Variants in ZNF804A observed in about 807,000 individuals in gnomAD.
ZNF804A encodes the protein zinc finger protein 804A.
A neutral mutation model predicts 16.5 loss-of-function variants in ZNF804A; 2 were observed. The observed-to-expected ratio is 0.12, with a 90% CI of 0.05 to 0.38. The LOEUF (loss-of-function observed/expected upper bound fraction) is 0.38. ZNF804A is among the 10% of genes least tolerant of loss of function. ZNF804A has a pLI of 0.99. For missense variants in ZNF804A, 1,473 were observed against 1,390.7 expected, an observed-to-expected ratio of 1.06 and a Z score of -0.94; for synonymous variants, 534 against 489.6, an observed-to-expected ratio of 1.09 and a Z score of -1.20.
At chr2:184,843,507 C>T (rs1695470130) in intron 1 of ZNF804A, among the ~76,000 whole-genome samples, 1 of 152,022 alleles carries the variant, frequency 6.6e-6, no homozygotes, top group Admixed American at 6.6e-5. Flanking sequence ...CTCCTGACCT[C>T]AGGTGATCCA....
At position 184,936,964 on chromosome 2, in the gene ZNF804A, T is replaced by C; in HGVS notation, c.1568T>C (p.Val523Ala). Residue 523 changes from valine to alanine, a missense_variant, in exon 4 of 4, where the codon GTC becomes GCC. Coordinates refer to ENST00000302277, the MANE Select transcript of ZNF804A (RefSeq NM_194250.2). Reference sequence around the variant, plus strand: ...AGTAGCAAAAATAAATGCAGCCAAGTCACTCCTCTTTTGGCTGATGATATT... The same window carrying C: ...AGTAGCAAAAATAAATGCAGCCAAGCCACTCCTCTTTTGGCTGATGATATT... ...IGSSKNKCSQ[V>A]TPLLADDILS... 1 of 1,613,950 alleles carries C rather than the reference T, an allele frequency of 6.2e-7. No individual in the cohort carries two copies. Among genetic ancestry groups the C allele is most frequent in the Non-Finnish European group, 8.5e-7 (1 of 1,179,948 alleles).
intron 1 of ZNF804A, among the ~76,000 whole-genome samples, chr2:184,664,445 C>T (rs1692225208): frequency 2.6e-5 from 4 of 152,022 alleles, no homozygotes; most frequent in Admixed American, 1.3e-4. Context: ...TAACTATAAC[C>T]TTAAATATGA....
At chr2:184,734,796 C>A (rs908881164) in intron 1 of ZNF804A, among the ~76,000 whole-genome samples, 16 of 152,120 alleles carry the variant, frequency 1.1e-4, no homozygotes, top group Admixed American at 1.3e-4. Flanking sequence ...GATTCACCTG[C>A]TTTTCCTTGC....
intron 1 of ZNF804A, among the ~76,000 whole-genome samples, chr2:184,673,814 C>A (rs1050870914): frequency 2.6e-5 from 4 of 152,098 alleles, no homozygotes; most frequent in Non-Finnish European, 5.9e-5. Context: ...TTAGGTAAAA[C>A]TGGATTTCTG....
intron 1 of ZNF804A, among the ~76,000 whole-genome samples, chr2:184,638,794 C>A (rs1222522212): frequency 6.6e-6 from 1 of 152,096 alleles, no homozygotes; most frequent in East Asian, 1.9e-4. Flanking sequence ...TTTTTATCTT[C>A]ATCACATAAT....
intron 1 of ZNF804A, among the ~76,000 whole-genome samples, chr2:184,600,738 A>G (rs978552031): frequency 6.6e-6 from 1 of 152,184 alleles, no homozygotes; most frequent in Non-Finnish European, 1.5e-5. Context: ...ACTTGTTAAA[A>G]TTCTATAGGT....
chr2:184,925,613 C>T (rs571446395), intron 2 of ZNF804A, among the ~76,000 whole-genome samples: 9 of 151,956 alleles, frequency 5.9e-5, no homozygotes, highest in Admixed American at 6.6e-5. Flanking sequence ...GTAGTCTTCT[C>T]TTTCTTCTTT....
intron 1 of ZNF804A, among the ~76,000 whole-genome samples, chr2:184,854,527 T>C (rs1031623093): frequency 2.6e-5 from 4 of 151,968 alleles, no homozygotes; most frequent in African/African-American, 9.7e-5. Context: ...GCTGAAAATG[T>C]CAAAAGGACC....
intron 1 of ZNF804A, among the ~76,000 whole-genome samples, chr2:184,817,759 A>C (rs1695004973): frequency 6.6e-6 from 1 of 152,060 alleles, no homozygotes; most frequent in African/African-American, 2.4e-5. Flanking sequence ...TTCACAATAC[A>C]GTCACAGGTA....
intron 1 of ZNF804A, among the ~76,000 whole-genome samples, chr2:184,709,720 T>C (rs1161598040): frequency 6.6e-6 from 1 of 151,246 alleles, no homozygotes; most frequent in African/African-American, 2.4e-5. Flanking sequence ...TTTTTGCATA[T>C]ACTTTTTTAA....
intron 1 of ZNF804A, among the ~76,000 whole-genome samples, chr2:184,856,403 G>A (rs1695687701): frequency 6.6e-6 from 1 of 151,856 alleles, no homozygotes; most frequent in Non-Finnish European, 1.5e-5. Context: ...AGCGTCATAG[G>A]TAGAGAGTGA....
intron 1 of ZNF804A, among the ~76,000 whole-genome samples, chr2:184,725,022 G>T (rs968560686): frequency 1.3e-5 from 2 of 151,642 alleles, no homozygotes. Context: ...TATTCCTAGG[G>T]ATTTATAATT....
chr2:184,930,139 T>C (rs1455624259), intron 2 of ZNF804A, among the ~76,000 whole-genome samples: 1 of 152,176 alleles, frequency 6.6e-6, no homozygotes, highest in Non-Finnish European at 1.5e-5. Flanking sequence ...AATAATTATC[T>C]GTTGAATGAG....
intron 1 of ZNF804A, among the ~76,000 whole-genome samples, chr2:184,751,995 G>A (rs1693884596): frequency 1.3e-5 from 2 of 151,786 alleles, no homozygotes; most frequent in South Asian, 4.1e-4. Context: ...TGTTGTCATG[G>A]ATGCAGAGAA....
At chr2:184,733,105 G>T (rs1296608419) in intron 1 of ZNF804A, among the ~76,000 whole-genome samples, 1 of 152,074 alleles carries the variant, frequency 6.6e-6, no homozygotes, top group Non-Finnish European at 1.5e-5. Flanking sequence ...TTTTGTTCCT[G>T]ATCTTAGTCA....
intron 1 of ZNF804A, among the ~76,000 whole-genome samples, chr2:184,839,363 G>A (rs1279298818): frequency 6.6e-6 from 1 of 151,950 alleles, no homozygotes; most frequent in East Asian, 1.9e-4. Context: ...AGTTTTTGGG[G>A]ATTCGTATGC....
chr2:184,830,122 A>G (rs866597557), intron 1 of ZNF804A, among the ~76,000 whole-genome samples: 1 of 142,840 alleles, frequency 7.0e-6, no homozygotes, highest in Non-Finnish European at 1.6e-5. Context: ...ACACACACAC[A>G]CACACACACA....
chr2:184,745,798 C>T (rs534935941), intron 1 of ZNF804A, among the ~76,000 whole-genome samples: 23 of 151,350 alleles, frequency 1.5e-4, no homozygotes, highest in Non-Finnish European at 3.1e-4. Flanking sequence ...CCTTTATGCC[C>T]TAGCATAATG....
intron 2 of ZNF804A, among the ~76,000 whole-genome samples, chr2:184,882,114 A>G (rs2105818156): frequency 6.6e-6 from 1 of 152,220 alleles, no homozygotes; most frequent in Admixed American, 6.5e-5. Flanking sequence ...AAGCAAAGAG[A>G]AAACAGAAAA....
Sources: gnomAD v4.1 joint callset for allele counts (sites outside exome capture counted in the v4.1 genomes callset) on GRCh38, gnomAD v4.1.1 for gene constraint, MANE v1.5 for transcripts, NCBI Gene and HGNC (gene_info 2026-07-23, HGNC 2026-07-21) for gene names.